NFU1: variants seen among roughly 807,000 people sequenced by gnomAD.
The protein encoded by NFU1 is NFU1 iron-sulfur cluster scaffold, also known as NFU1 iron-sulfur cluster scaffold homolog, mitochondrial.
A neutral mutation model predicts 32.2 loss-of-function variants in NFU1; 30 were observed. The ratio of observed to expected loss-of-function variants is 0.93; its 90% CI spans 0.70 to 1.26. NFU1 has a LOEUF of 1.26. Ranked by LOEUF, NFU1 falls within the 50% of genes most tolerant of loss-of-function variation. NFU1 has a pLI of 0.00. For missense variants in NFU1, 306 were observed against 306.6 expected (o/e 1.00, Z 0.02); for synonymous variants, 112 against 104.6 (o/e 1.07, Z -0.43).
intron 2 of NFU1, 117 bp from the exon 3 acceptor site, chr2:69,423,834 A>G (rs906196974): frequency 1.3e-6 from 1 of 772,974 alleles, no homozygotes. Flanking sequence ...GGAAAAACCC[A>G]AGGCTTTATT....
rs1673342520 is a variant in NFU1, at chr2:69,423,647, T to A, written c.237A>T (p.Pro79=). 6.2e-7 allele frequency: 1 copy of A among 1,612,648 alleles called. No individual in the cohort carries two copies. The highest frequency in any genetic ancestry group is 8.5e-7 in the Non-Finnish European group (1 of 1,178,672). ...AATCCATGGTCCTTGTCTCAAGAAC[T>A]GGTTTTCCTGGTATAAACTTTAAGC... ...PNSLKFIPGK[P]VLETRTMDFP... The change falls in exon 3 of 8, where the codon CCA becomes CCT. Residue 79 remains proline (P), a synonymous_variant. Coordinates refer to ENST00000410022, the MANE Select transcript of NFU1 (RefSeq NM_001002755.4).
At chr2:69,423,249 T>TGA (rs1336559280) in intron 3 of NFU1, among the ~76,000 whole-genome samples, 42 of 16,368 alleles carry the variant, frequency 2.6e-3, no homozygotes, top group African/African-American at 4.5e-3. Flanking sequence ...TGTGAGTGTG[T>TGA]GTGTGTGTGT....
intron 6 of NFU1, among the ~76,000 whole-genome samples, chr2:69,401,956 C>T (rs1019427806): frequency 5.3e-5 from 8 of 151,656 alleles, no homozygotes; most frequent in African/African-American, 1.2e-4. Context: ...TGCAATGGCA[C>T]GATCTCAGCT....
At chr2:69,404,318 CCT>C (rs1205409646) in intron 6 of NFU1, among the ~76,000 whole-genome samples, 1 of 150,606 alleles carries the variant, frequency 6.6e-6, no homozygotes, top group Non-Finnish European at 1.5e-5. Context: ...ACGGTGAAAC[CCT>C]GTCTCTACTA....
intron 1 of NFU1, among the ~76,000 whole-genome samples, chr2:69,435,273 C>T (rs1306945923): frequency 6.6e-6 from 1 of 152,214 alleles, no homozygotes; most frequent in Non-Finnish European, 1.5e-5. Context: ...AGGTTAAAGG[C>T]AAAATGATGG....
At chr2:69,400,008 G>A (rs1185027212) in intron 7 of NFU1, among the ~76,000 whole-genome samples, 1 of 152,148 alleles carries the variant, frequency 6.6e-6, no homozygotes, top group Non-Finnish European at 1.5e-5. Flanking sequence ...AAGTAGCTGG[G>A]ATTACAGGCG....
intron 5 of NFU1, among the ~76,000 whole-genome samples, chr2:69,407,933 A>C: frequency 6.6e-6 from 1 of 151,468 alleles, no homozygotes; most frequent in Non-Finnish European, 1.5e-5. Context: ...GAATTGCTTG[A>C]ACCCAGGAGG....
chr2:69,412,237 G>A (rs763228165), intron 5 of NFU1, among the ~76,000 whole-genome samples: 8 of 151,698 alleles, frequency 5.3e-5, no homozygotes, highest in Non-Finnish European at 1.2e-4. Flanking sequence ...TTTTAGCAGA[G>A]ATGGGGTTTT....
intron 3 of NFU1, among the ~76,000 whole-genome samples, chr2:69,420,027 A>G (rs1002179716): frequency 2.0e-5 from 3 of 150,984 alleles, no homozygotes; most frequent in Non-Finnish European, 4.4e-5. Context: ...CTCTTTTGAG[A>G]CGGAGTCACC....
In NFU1 at chr2:69,432,021, C is replaced by T. The variant is rs996994212; in HGVS notation, c.63-16G>A. On this transcript the variant is annotated splice_polypyrimidine_tract_variant and intron_variant, in intron 1 of 7. Coordinates refer to ENST00000410022, the MANE Select transcript of NFU1 (RefSeq NM_001002755.4). ...ATGACAGAACCTGCATTTAAAAGCA[C>T]ATAATGAATGACATTTTAAGAGCTC... The T allele has an allele frequency of 1.4e-5, 21 of 1,518,776 alleles. No individual in the cohort carries two copies. Among genetic ancestry groups the T allele is most frequent in the African/African-American group, 4.1e-5 (3 of 73,166 alleles). 94.1% of individuals were successfully genotyped at this position (1,518,776 alleles called of 1,614,324 possible). A position where few individuals can be genotyped will look rare whatever the true frequency, so the allele number is the denominator to read the frequency against.
intron 5 of NFU1, among the ~76,000 whole-genome samples, chr2:69,412,277 T>C (rs1285691347): frequency 1.3e-5 from 2 of 151,330 alleles, no homozygotes; most frequent in Admixed American, 6.6e-5. Flanking sequence ...TCTCGATCTC[T>C]TAACCTCGTG....
intron 2 of NFU1, among the ~76,000 whole-genome samples, chr2:69,425,207 G>A (rs1673413021): frequency 6.6e-6 from 1 of 151,838 alleles, no homozygotes; most frequent in Non-Finnish European, 1.5e-5. Flanking sequence ...AATCTGTGGA[G>A]GTGGAATCTC....
At chr2:69,438,821 T>C (rs1490018087), upstream of NFU1, among the ~76,000 whole-genome samples, 1 of 151,682 alleles carries the variant, frequency 6.6e-6, no homozygotes, top group Non-Finnish European at 1.5e-5. Flanking sequence ...TCATTCCCAA[T>C]GCTGCGTACT....
At chr2:69,424,078 C>T (rs2104794411) in intron 2 of NFU1, among the ~76,000 whole-genome samples, 1 of 141,388 alleles carries the variant, frequency 7.1e-6, no homozygotes, top group East Asian at 2.2e-4. Flanking sequence ...GTGACTGAGG[C>T]AGAGAATTGC....
At chr2:69,405,692 T>C (rs6759273) in intron 6 of NFU1, among the ~76,000 whole-genome samples, 1,889 of 152,314 alleles carry the variant, frequency 0.012, 44 homozygotes, top group African/African-American at 0.043. Context: ...TAGGTACTCA[T>C]TCTCTCTTCA....
At chr2:69,407,382 G>T (rs1001250087) in intron 5 of NFU1, among the ~76,000 whole-genome samples, 1 of 152,084 alleles carries the variant, frequency 6.6e-6, no homozygotes, top group Non-Finnish European at 1.5e-5. Flanking sequence ...TTAACATTGA[G>T]TTTTTTAAGA....
At chr2:69,425,248 T>C (rs1177018567) in intron 2 of NFU1, among the ~76,000 whole-genome samples, 1 of 152,116 alleles carries the variant, frequency 6.6e-6, no homozygotes, top group Non-Finnish European at 1.5e-5. Context: ...CTCAAACACC[T>C]GGCCTCAAGT....
At position 69,431,820 on chromosome 2, in the gene NFU1, T is replaced by G; in HGVS notation, c.166+82A>C. 3 of 876,226 alleles carry G rather than the reference T, an allele frequency of 3.4e-6. No homozygotes were observed. In the South Asian group the frequency reaches 4.1e-5, roughly 12 times the overall value. The allele number at this position is 876,226 out of a possible 1,614,324, so 54.3% of individuals were successfully genotyped here. ...TTCTAAATAGAAAATATACAAATTCTCATCTTTTATGATCCACAAAATCCT... is the reference window on the plus strand; with the variant it reads ...TTCTAAATAGAAAATATACAAATTCGCATCTTTTATGATCCACAAAATCCT... On this transcript the variant is annotated intron_variant, in intron 2 of 7. Coordinates refer to ENST00000410022, the MANE Select transcript of NFU1 (RefSeq NM_001002755.4).
Position 69,437,269 on chromosome 2 carries a change from A to G in NFU1, c.62+92T>C. On this transcript the variant is annotated intron_variant, in intron 1 of 7. Coordinates refer to ENST00000410022, the MANE Select transcript of NFU1 (RefSeq NM_001002755.4). The stretch of plus-strand genomic sequence containing the variant: ...GCCGGCTCCATCAGATGCACTACCC[A>G]CCCGCCTCGAGAGAGGGTCTGCAAG... 2.0e-6 allele frequency: 3 copies of G among 1,529,680 alleles called. No homozygotes were observed. In the South Asian group the frequency reaches 3.6e-5, roughly 19 times the overall value. The allele number at this position is 1,529,680 out of a possible 1,614,324, so 94.8% of individuals were successfully genotyped here.
Sources: allele counts gnomAD v4.1 joint callset (sites outside exome capture counted in the v4.1 genomes callset), GRCh38; gene constraint gnomAD v4.1.1; transcripts MANE v1.5; gene names NCBI Gene and HGNC (gene_info 2026-07-23, HGNC 2026-07-21).